Variants in MYO10 observed in about 807,000 individuals in gnomAD.
The protein encoded by MYO10 is unconventional myosin-X.
Under a neutral mutation model 257.3 loss-of-function variants are expected in MYO10, and 133 were observed. The ratio of observed to expected loss-of-function variants is 0.52; its 90% CI spans 0.45 to 0.60. The LOEUF is 0.60. Ranked by LOEUF, MYO10 falls within the 20% of genes least tolerant of loss-of-function variation. The pLI is 0.00. For missense variants in MYO10, 2,399 were observed against 2,635.7 expected, an observed-to-expected ratio of 0.91 and a Z score of 1.97; for synonymous variants, 1,104 against 1,028.6, an observed-to-expected ratio of 1.07 and a Z score of -1.40.
chr5:16,774,566 C>T (rs989353132), intron 9 of MYO10, among the ~76,000 whole-genome samples: 13 of 152,028 alleles, frequency 8.6e-5, no homozygotes, highest in Non-Finnish European at 1.8e-4. Context: ...GGACTACAGG[C>T]GCCCACCACC....
chr5:16,694,886 T>C (rs954258165), intron 26 of MYO10, among the ~76,000 whole-genome samples: 2 of 152,060 alleles, frequency 1.3e-5, no homozygotes, highest in African/African-American at 2.4e-5. Flanking sequence ...AAGGAGCCAA[T>C]AGAAAAGCAA....
chr5:16,754,050 A>T (rs1471290470), intron 19 of MYO10, among the ~76,000 whole-genome samples: 2 of 152,230 alleles, frequency 1.3e-5, no homozygotes, highest in Non-Finnish European at 2.9e-5. Context: ...ATTACATTAC[A>T]ATTAAATTAC....
chr5:16,893,211 A>AAAAAAAAAAAAAAAAC (rs1745117661), intron 1 of MYO10, among the ~76,000 whole-genome samples: 1 of 150,316 alleles, frequency 6.7e-6, no homozygotes, highest in Non-Finnish European at 1.5e-5. Flanking sequence ...AAAAAAAAAA[A>AAAAAAAAAAAAAAAAC]AAAAGAACTT....
rs1746438044 is a variant in MYO10, at chr5:16,936,164, G to C, written c.-356C>G. On this transcript the variant is annotated 5_prime_UTR_variant, in exon 1 of 41. Transcript: ENST00000513610. Reference sequence around the variant, plus strand: ...GGCCCCCTCCCTCTGCGCTCCGGCCGGGGGCCCTCGGGGCGGGCAGGAGGA... The same window carrying C: ...GGCCCCCTCCCTCTGCGCTCCGGCCCGGGGCCCTCGGGGCGGGCAGGAGGA... 6.6e-6 allele frequency: 2 copies of C among 303,646 alleles called. No individual in the cohort carries two copies. The highest frequency in any genetic ancestry group is 9.9e-4 in the Middle Eastern group (1 of 1,008). 18.8% of individuals were successfully genotyped at this position (303,646 alleles called of 1,614,324 possible). A position where few individuals can be genotyped will look rare whatever the true frequency, so the allele number is the denominator to read the frequency against.
chr5:16,887,714 C>T (rs1347042711), intron 1 of MYO10, among the ~76,000 whole-genome samples: 3 of 152,194 alleles, frequency 2.0e-5, no homozygotes, highest in Middle Eastern at 6.8e-3. Flanking sequence ...TGGTATCAAA[C>T]GACTGACCTC....
intron 19 of MYO10, 46 bp from the exon 20 acceptor site, chr5:16,711,291 G>A (rs774943833): frequency 6.4e-7 from 1 of 1,572,038 alleles, no homozygotes; most frequent in South Asian, 1.2e-5. Flanking sequence ...AGAAAAAATG[G>A]AATTCGATAA....
chr5:16,928,840 A>G (rs73066810), intron 1 of MYO10, among the ~76,000 whole-genome samples: 62,874 of 150,964 alleles, frequency 0.42, 13,500 homozygotes, highest in Middle Eastern at 0.5. Context: ...GCAAGACTCC[A>G]TCTCAAAAAA....
intron 38 of MYO10, among the ~76,000 whole-genome samples, 179 bp from the exon 39 acceptor site, chr5:16,671,157 C>G (rs2126463479): frequency 6.6e-6 from 1 of 152,316 alleles, no homozygotes; most frequent in East Asian, 1.9e-4. Flanking sequence ...CTCCCTAGCA[C>G]AGATACCATC....
chr5:16,902,256 G>A, intron 1 of MYO10: 3 of 759,336 alleles, frequency 4.0e-6, no homozygotes, highest in Non-Finnish European at 7.1e-6. Context: ...TTTTTCTCCA[G>A]AGAATAGTCT....
chr5:16,800,888 T>C (rs1742101162), intron 3 of MYO10, among the ~76,000 whole-genome samples: 1 of 152,188 alleles, frequency 6.6e-6, no homozygotes, highest in South Asian at 2.1e-4. Context: ...CAAGCCAGGC[T>C]TTTATTTTGC....
At chr5:16,680,126 G>A in intron 32 of MYO10, 22 bp from the exon 33 acceptor site, 2 of 1,598,854 alleles carry the variant, frequency 1.3e-6, no homozygotes, top group Non-Finnish European at 1.7e-6. Context: ...GGGGTGCCCA[G>A]CACACGCACG....
intron 3 of MYO10, 48 bp downstream of exon 3, chr5:16,817,961 T>A (rs1265702721): frequency 1.1e-5 from 14 of 1,323,568 alleles, no homozygotes; most frequent in Admixed American, 2.9e-5. Flanking sequence ...AAATAAGCAT[T>A]CACTCAAACG....
chr5:16,886,886 C>T (rs1204688710), intron 1 of MYO10, among the ~76,000 whole-genome samples: 1 of 147,084 alleles, frequency 6.8e-6, no homozygotes, highest in Non-Finnish European at 1.5e-5. Flanking sequence ...GAGCCAAGAT[C>T]GTGCCACTGC....
chr5:16,757,143 AG>A (rs1560968146), intron 18 of MYO10, among the ~76,000 whole-genome samples: 1 of 146,194 alleles, frequency 6.8e-6, no homozygotes, highest in Non-Finnish European at 1.5e-5. Flanking sequence ...AAAAAAAAAA[AG>A]TCGGGTGTAG....
intron 21 of MYO10, among the ~76,000 whole-genome samples, chr5:16,710,326 C>T (rs1482196494): frequency 6.6e-6 from 1 of 152,148 alleles, no homozygotes; most frequent in African/African-American, 2.4e-5. Flanking sequence ...AATTTTGTGA[C>T]TAATTTTTTA....
At chr5:16,780,350 C>G (rs1240571761) in intron 8 of MYO10, among the ~76,000 whole-genome samples, 174 bp downstream of exon 8, 1 of 151,948 alleles carries the variant, frequency 6.6e-6, no homozygotes. Flanking sequence ...ATAATTTTCT[C>G]CCTATTATTT....
intron 9 of MYO10, among the ~76,000 whole-genome samples, chr5:16,778,714 A>C (rs1741306617): frequency 8.3e-6 from 1 of 120,278 alleles, no homozygotes; most frequent in Non-Finnish European, 1.6e-5. Flanking sequence ...TTTTTTTGAG[A>C]CGGAGTCTCG....
At position 16,757,407 on chromosome 5, in the gene MYO10, A is replaced by G. The variant is rs562615683; in HGVS notation, c.1848+711T>C. 2.7e-3 allele frequency among the ~76,000 whole-genome samples: 415 copies of G among 152,100 alleles called. 1 individual carries two copies. Among genetic ancestry groups the G allele is most frequent in the Non-Finnish European group, 4.4e-3 (302 of 67,996 alleles). On this transcript the variant is annotated intron_variant, in intron 18 of 40. Coordinates refer to ENST00000513610, the MANE Select transcript of MYO10 (RefSeq NM_012334.3). ...CCGACCTTCTAGAAAAAGAAAACTGAAAACCTCTGCTGGAAGATTAAGAGC... is the reference window on the plus strand; with the variant it reads ...CCGACCTTCTAGAAAAAGAAAACTGGAAACCTCTGCTGGAAGATTAAGAGC...
At position 16,701,965 on chromosome 5, in the gene MYO10, T is replaced by C. The variant is rs1738102539; in HGVS notation, c.2557-127A>G. On this transcript the variant is annotated intron_variant, in intron 24 of 40. Transcript: ENST00000513610. This position sits in a 1 kb window ranked among gnomAD's most constrained non-coding sequence, Gnocchi z 8.1. ...ACTGTGTCCCCATAAAGTCTATAGG[T>C]TGAAGTCCTAACCCCAATACTGCAG... The C allele has an allele frequency of 2.7e-6, 3 of 1,104,528 alleles. No individual in the cohort carries two copies. Among genetic ancestry groups the C allele is most frequent in the South Asian group, 1.7e-5 (1 of 59,700 alleles). The allele number at this position is 1,104,528 out of a possible 1,614,324, so 68.4% of individuals were successfully genotyped here. A position where few individuals can be genotyped will look rare whatever the true frequency, so the allele number is the denominator to read the frequency against.
Sources: gnomAD v4.1 joint callset for allele counts (sites outside exome capture counted in the v4.1 genomes callset) on GRCh38, gnomAD v4.1.1 for gene constraint, Gnocchi (gnomAD v3.1) non-coding constraint, MANE v1.5 for transcripts, NCBI Gene and HGNC (gene_info 2026-07-23, HGNC 2026-07-21) for gene names.